The following LINGO2 variants were observed in gnomAD, a reference collection of about 807,000 sequenced individuals.
The protein encoded by LINGO2 is leucine rich repeat and Ig domain containing 2.
In LINGO2, 14 loss-of-function variants were observed where a neutral mutation model predicts 30.6. That is an observed-to-expected ratio of 0.46 (90% confidence interval 0.30 to 0.72). LINGO2 has a LOEUF of 0.72. Among genes scored for constraint, LINGO2 ranks in the 30% least tolerant of loss-of-function variants. The pLI, the probability that LINGO2 is intolerant of heterozygous loss-of-function variation, is 0.07. For synonymous variants in LINGO2, 317 were observed against 288.5 expected (o/e 1.10, Z -1.00); for missense variants, 729 against 751.7 (o/e 0.97, Z 0.35).
At chr9:28,465,383 C>T (rs760910906) in intron 2 of LINGO2, among the ~76,000 whole-genome samples, 33 of 152,178 alleles carry the variant, frequency 2.2e-4, no homozygotes, top group Non-Finnish European at 4.0e-4. Flanking sequence ...GCTGCTTCTT[C>T]TCCTCTCAAC....
intron 4 of LINGO2, among the ~76,000 whole-genome samples, chr9:28,021,598 T>TC (rs1212749133): frequency 3.9e-5 from 6 of 152,132 alleles, no homozygotes; most frequent in Non-Finnish European, 8.8e-5. Context: ...TGTTAAAGTT[T>TC]CCAACAATAA....
intron 1 of LINGO2, among the ~76,000 whole-genome samples, chr9:28,480,304 T>C (rs1825912693): frequency 6.6e-6 from 1 of 151,996 alleles, no homozygotes; most frequent in Non-Finnish European, 1.5e-5. Flanking sequence ...TCAAATGCTA[T>C]CTTCAATAAT....
At chr9:28,911,914 C>G in the LINGO2 span, among the ~76,000 whole-genome samples, 1 of 152,222 alleles carries the variant, frequency 6.6e-6, no homozygotes, top group Non-Finnish European at 1.5e-5. Flanking sequence ...ACAGTTTCAT[C>G]TTACTCAGCA....
the LINGO2 span, among the ~76,000 whole-genome samples, chr9:28,928,838 G>A: frequency 2.0e-5 from 3 of 152,130 alleles, no homozygotes; most frequent in Non-Finnish European, 2.9e-5. Context: ...TCTAGGCAGC[G>A]CAATCGGCCC....
At chr9:28,131,644 G>A (rs1482140112) in intron 4 of LINGO2, among the ~76,000 whole-genome samples, 1 of 152,108 alleles carries the variant, frequency 6.6e-6, no homozygotes, top group Non-Finnish European at 1.5e-5. Flanking sequence ...ATAGTTTCAT[G>A]TAATGTGGCT....
chr9:29,095,797 CCTGACCAATA>C, the LINGO2 span, among the ~76,000 whole-genome samples: 178 of 138,544 alleles, frequency 1.3e-3, 34 homozygotes, highest in Admixed American at 5.9e-3. Context: ...GACAGACACT[CCTGACCAATA>C]CTGATTCATT....
the LINGO2 span, among the ~76,000 whole-genome samples, chr9:28,735,729 A>C: frequency 6.6e-6 from 1 of 152,016 alleles, no homozygotes; most frequent in African/African-American, 2.4e-5. Flanking sequence ...TTTAATTATA[A>C]CATCTGCTTT....
chr9:28,671,100 ATG>A (rs1244619650), upstream of LINGO2, among the ~76,000 whole-genome samples: 1 of 152,078 alleles, frequency 6.6e-6, no homozygotes, highest in African/African-American at 2.4e-5. Context: ...ATACACAAAT[ATG>A]TAGGGTGATA....
At chr9:28,722,790 G>A in the LINGO2 span, among the ~76,000 whole-genome samples, 2 of 152,072 alleles carry the variant, frequency 1.3e-5, no homozygotes, top group Admixed American at 6.6e-5. Flanking sequence ...CCAGTAGTAC[G>A]GGGCCCAATA....
intron 2 of LINGO2, among the ~76,000 whole-genome samples, chr9:28,447,501 C>A (rs1373965684): frequency 6.6e-6 from 1 of 152,148 alleles, no homozygotes; most frequent in Non-Finnish European, 1.5e-5. Flanking sequence ...TTATAAGCCA[C>A]ACAGTTTATT....
At chr9:28,589,725 C>T (rs887057338) in intron 1 of LINGO2, among the ~76,000 whole-genome samples, 1 of 151,862 alleles carries the variant, frequency 6.6e-6, no homozygotes, top group East Asian at 1.9e-4. Context: ...GGCCATACTG[C>T]CCAAGGTAAT....
intron 3 of LINGO2, among the ~76,000 whole-genome samples, chr9:28,319,538 C>T (rs1824963818): frequency 6.6e-6 from 1 of 152,150 alleles, no homozygotes; most frequent in South Asian, 2.1e-4. Context: ...CTTCCTACCA[C>T]AACCCCTCAG....
At chr9:28,008,954 C>T (rs1184802214) in intron 5 of LINGO2, among the ~76,000 whole-genome samples, 2 of 151,924 alleles carry the variant, frequency 1.3e-5, no homozygotes, top group Non-Finnish European at 2.9e-5. Flanking sequence ...ACCCAAGGTG[C>T]CAAAACAATC....
the LINGO2 span, among the ~76,000 whole-genome samples, chr9:29,018,091 T>TATATA: frequency 6.3e-3 from 146 of 23,234 alleles, no homozygotes; most frequent in African/African-American, 0.011. Flanking sequence ...AATATACATT[T>TATATA]TATATATATA....
chr9:27,955,839 C>T (rs1819535409), intron 5 of LINGO2, among the ~76,000 whole-genome samples: 1 of 151,682 alleles, frequency 6.6e-6, no homozygotes. Flanking sequence ...AAGAAACAGG[C>T]ACATCATTTC....
At chr9:29,073,904 A>G in the LINGO2 span, among the ~76,000 whole-genome samples, 1 of 152,340 alleles carries the variant, frequency 6.6e-6, no homozygotes, top group African/African-American at 2.4e-5. Flanking sequence ...TAGTATTTTA[A>G]AATTAAATAC....
chr9:28,554,884 T>TATACAGGTTGTGGG (rs1822555825), intron 1 of LINGO2, among the ~76,000 whole-genome samples: 1 of 137,624 alleles, frequency 7.3e-6, no homozygotes, highest in Non-Finnish European at 1.5e-5. Flanking sequence ...AACAACCTGC[T>TATACAGGTTGTGGG]CCTGAATGAC....
At chr9:28,941,917 ATAAGTT>A in the LINGO2 span, among the ~76,000 whole-genome samples, 1 of 152,300 alleles carries the variant, frequency 6.6e-6, no homozygotes, top group East Asian at 1.9e-4. Flanking sequence ...TAGCATTGTT[ATAAGTT>A]TAACACCTGA....
chr9:28,451,933 A>T (rs1294620264), intron 2 of LINGO2, among the ~76,000 whole-genome samples: 1 of 151,744 alleles, frequency 6.6e-6, no homozygotes, highest in Admixed American at 6.6e-5. Context: ...TTTAGTGTAT[A>T]TTATTTTTAA....
Sources: gnomAD v4.1 joint callset for allele counts (sites outside exome capture counted in the v4.1 genomes callset) on GRCh38, gnomAD v4.1.1 for gene constraint, MANE v1.5 for transcripts, NCBI Gene and HGNC (gene_info 2026-07-23, HGNC 2026-07-21) for gene names.